The following GPC6 variants were observed in gnomAD, a reference collection of about 807,000 sequenced individuals.
GPC6 encodes the protein glypican-6.
In GPC6, 14 loss-of-function variants were observed where a neutral mutation model predicts 55.2. That is an observed-to-expected ratio of 0.25 (90% CI 0.17 to 0.40). GPC6 has a LOEUF of 0.40. GPC6 is among the 10% of genes least tolerant of loss of function. The pLI, the probability that GPC6 is intolerant of heterozygous loss-of-function variation, is 1.00. For missense variants in GPC6, 641 were observed against 708.5 expected (o/e 0.90, Z 1.08); for synonymous variants, 278 against 259.6 (o/e 1.07, Z -0.68).
chr13:93,966,643 T>C (rs898450885), intron 3 of GPC6, among the ~76,000 whole-genome samples: 33 of 134,732 alleles, frequency 2.4e-4, no homozygotes, highest in Admixed American at 2.4e-3. Context: ...GTTTTGTTTG[T>C]TTCCTTCATT....
chr13:93,607,371 G>T (rs1175599624), intron 2 of GPC6, among the ~76,000 whole-genome samples: 1 of 152,240 alleles, frequency 6.6e-6, no homozygotes, highest in African/African-American at 2.4e-5. Flanking sequence ...GGCACTGTCA[G>T]CTAAGCTCTG....
At chr13:93,396,876 C>G (rs1034114605) in intron 1 of GPC6, among the ~76,000 whole-genome samples, 1 of 151,980 alleles carries the variant, frequency 6.6e-6, no homozygotes, top group Non-Finnish European at 1.5e-5. Context: ...TATTTTTATG[C>G]ACATGCTTTT....
intron 7 of GPC6, among the ~76,000 whole-genome samples, chr13:94,385,257 G>A (rs573902336): frequency 1.3e-5 from 2 of 151,674 alleles, no homozygotes; most frequent in East Asian, 3.9e-4. Context: ...AAAAAAAATG[G>A]CAATGGGATC....
At chr13:94,153,996 A>C (rs1229030133) in intron 4 of GPC6, among the ~76,000 whole-genome samples, 1 of 152,188 alleles carries the variant, frequency 6.6e-6, no homozygotes, top group Non-Finnish European at 1.5e-5. Context: ...AACAATTATT[A>C]TTCTAATGTA....
At chr13:93,439,687 AAAT>A (rs1451471921) in intron 1 of GPC6, among the ~76,000 whole-genome samples, 1 of 127,068 alleles carries the variant, frequency 7.9e-6, no homozygotes, top group East Asian at 2.3e-4. Flanking sequence ...AAAATAAAAT[AAAT>A]AAAAAAAATA....
chr13:93,540,569 C>A (rs536416038), intron 1 of GPC6, among the ~76,000 whole-genome samples: 18 of 151,880 alleles, frequency 1.2e-4, no homozygotes, highest in Non-Finnish European at 5.9e-5. Context: ...AATAATTATA[C>A]AATTATACAT....
At chr13:94,012,428 T>C (rs1882284771) in intron 3 of GPC6, among the ~76,000 whole-genome samples, 1 of 152,196 alleles carries the variant, frequency 6.6e-6, no homozygotes, top group African/African-American at 2.4e-5. Flanking sequence ...ATATGTGTGC[T>C]AACAACTAGG....
intron 6 of GPC6, among the ~76,000 whole-genome samples, chr13:94,332,983 C>T (rs1877501882): frequency 6.6e-6 from 1 of 152,178 alleles, no homozygotes; most frequent in South Asian, 2.1e-4. Context: ...CTGTACATGA[C>T]AGGATTTTCC....
intron 3 of GPC6, among the ~76,000 whole-genome samples, chr13:93,956,632 A>G (rs112093643): frequency 6.6e-6 from 1 of 152,184 alleles, no homozygotes; most frequent in Non-Finnish European, 1.5e-5. Flanking sequence ...CAAACAACAC[A>G]TATTTATTCA....
intron 1 of GPC6, among the ~76,000 whole-genome samples, chr13:93,242,042 T>C (rs1225254951): frequency 6.6e-6 from 1 of 152,058 alleles, no homozygotes; most frequent in African/African-American, 2.4e-5. Context: ...ATGGCAGAGG[T>C]CTCCTGAAGC....
chr13:94,162,926 T>C (rs1888219313), intron 4 of GPC6, among the ~76,000 whole-genome samples: 1 of 152,146 alleles, frequency 6.6e-6, no homozygotes, highest in African/African-American at 2.4e-5. Context: ...CATGTTGGGG[T>C]ACAGAGACCA....
chr13:93,338,334 T>C (rs1420459660), intron 1 of GPC6, among the ~76,000 whole-genome samples: 2 of 152,180 alleles, frequency 1.3e-5, no homozygotes, highest in Non-Finnish European at 2.9e-5. Context: ...GGAACTGAAA[T>C]TTATGACAGG....
At chr13:93,810,017 A>G (rs908414883) in intron 2 of GPC6, among the ~76,000 whole-genome samples, 1 of 152,012 alleles carries the variant, frequency 6.6e-6, no homozygotes, top group African/African-American at 2.4e-5. Flanking sequence ...CTTTTCTCAG[A>G]CACCCATCCA....
intron 4 of GPC6, among the ~76,000 whole-genome samples, chr13:94,258,282 C>A (rs1039412886): frequency 6.6e-6 from 1 of 152,164 alleles, no homozygotes; most frequent in African/African-American, 2.4e-5. Context: ...CCGGGGCCGA[C>A]AAACATTTGG....
At chr13:93,708,562 T>G (rs1045583871) in intron 2 of GPC6, among the ~76,000 whole-genome samples, 2 of 151,820 alleles carry the variant, frequency 1.3e-5, no homozygotes, top group Admixed American at 1.3e-4. Context: ...TTGTGTTGTT[T>G]TTAAGTGACA....
intron 3 of GPC6, among the ~76,000 whole-genome samples, chr13:93,869,065 G>C (rs1049666293): frequency 6.6e-6 from 1 of 151,722 alleles, no homozygotes; most frequent in Non-Finnish European, 1.5e-5. Context: ...TAATATACCC[G>C]TGCTACTAAG....
At chr13:93,863,563 A>T (rs1300589565) in intron 3 of GPC6, among the ~76,000 whole-genome samples, 2 of 151,720 alleles carry the variant, frequency 1.3e-5, no homozygotes, top group African/African-American at 4.8e-5. Flanking sequence ...GAAAACAGTA[A>T]ACTGATTAGG....
chr13:93,791,134 T>G (rs1399775716), intron 2 of GPC6, among the ~76,000 whole-genome samples: 2 of 152,194 alleles, frequency 1.3e-5, no homozygotes, highest in African/African-American at 4.8e-5. Context: ...CATCGATGAA[T>G]GTGTAGCGAT....
Position 94,154,576 on chromosome 13 carries a change from A to G in GPC6, c.877+126682A>G, listed in dbSNP as rs549053053. On this transcript the variant is annotated intron_variant, in intron 4 of 8. Transcript: ENST00000377047. ...CAATGGCATGCATTGGTATTTTCAC[A>G]GAGAGCAAGGCTATCAGCCTTGGAA... Among the ~76,000 whole-genome samples, 7 of 152,284 alleles carry G rather than the reference A, an allele frequency of 4.6e-5. No individual in the cohort carries two copies. The South Asian group carries it at 1.4e-3, about 32-fold the overall frequency.
Sources: gnomAD v4.1 joint callset for allele counts (sites outside exome capture counted in the v4.1 genomes callset) on GRCh38, gnomAD v4.1.1 for gene constraint, MANE v1.5 for transcripts, NCBI Gene and HGNC (gene_info 2026-07-23, HGNC 2026-07-21) for gene names.